The following TXLNB variants were observed in gnomAD, a reference collection of about 807,000 sequenced individuals.
The protein encoded by TXLNB is beta-taxilin.
In TXLNB, 37 loss-of-function variants were observed where a neutral mutation model predicts 57.4. That is an observed-to-expected ratio of 0.64 (90% CI 0.50 to 0.85). The LOEUF is 0.85. Ranked by LOEUF, TXLNB falls within the 40% of genes least tolerant of loss-of-function variation. TXLNB has a pLI of 0.00. For missense variants in TXLNB, 848 were observed against 825.6 expected (o/e 1.03, Z -0.33); for synonymous variants, 302 against 309.6 (o/e 0.98, Z 0.26).
the TXLNB span, among the ~76,000 whole-genome samples, chr6:139,319,607 A>G: frequency 2.6e-5 from 4 of 151,970 alleles, no homozygotes; most frequent in Non-Finnish European, 5.9e-5. Flanking sequence ...ACAAAAAAAA[A>G]TTCAAAAATT....
chr6:139,322,657 C>T, the TXLNB span, among the ~76,000 whole-genome samples: 1 of 152,186 alleles, frequency 6.6e-6, no homozygotes, highest in Non-Finnish European at 1.5e-5. Flanking sequence ...GTTCTATCCT[C>T]AATACGGTGC....
chr6:139,167,055 A>G, the TXLNB span: 1 of 1,613,996 alleles, frequency 6.2e-7, no homozygotes, highest in Non-Finnish European at 8.5e-7. Context: ...CGGCGGCTGG[A>G]CCTCTCCGAA....
chr6:139,213,706 A>T, the TXLNB span, among the ~76,000 whole-genome samples: 1 of 152,184 alleles, frequency 6.6e-6, no homozygotes, highest in South Asian at 2.1e-4. Context: ...TTTTGAAAAG[A>T]TCAACAAAAT....
At chr6:139,313,076 T>C in the TXLNB span, among the ~76,000 whole-genome samples, 1 of 151,190 alleles carries the variant, frequency 6.6e-6, no homozygotes, top group African/African-American at 2.4e-5. Flanking sequence ...TGTCTTTCTC[T>C]CTTTTTTTTT....
intron 2 of TXLNB, among the ~76,000 whole-genome samples, chr6:139,285,441 G>C (rs1384537430): frequency 6.9e-6 from 1 of 143,894 alleles, no homozygotes; most frequent in African/African-American, 2.6e-5. Flanking sequence ...ACTTTGCAAA[G>C]GGACACATTT....
chr6:139,310,703 GT>G, the TXLNB span, among the ~76,000 whole-genome samples: 5 of 151,846 alleles, frequency 3.3e-5, no homozygotes, highest in Non-Finnish European at 5.9e-5. Context: ...TTTTGGTTTG[GT>G]TTTTTTTGAG....
chr6:139,279,069 T>A (rs1776978654), intron 2 of TXLNB, among the ~76,000 whole-genome samples: 1 of 152,214 alleles, frequency 6.6e-6, no homozygotes, highest in East Asian at 1.9e-4. Flanking sequence ...AAAACAATTT[T>A]TTGTGACCAA....
intron 7 of TXLNB, among the ~76,000 whole-genome samples, chr6:139,253,837 T>C (rs1409699133): frequency 1.3e-5 from 2 of 152,226 alleles, no homozygotes; most frequent in African/African-American, 2.4e-5. Flanking sequence ...AGAGATTGCA[T>C]GTAGCAGATG....
At chr6:139,175,108 A>C in the TXLNB span, among the ~76,000 whole-genome samples, 30 of 152,210 alleles carry the variant, frequency 2.0e-4, no homozygotes, top group Non-Finnish European at 4.1e-4. Context: ...GCATTGTCTC[A>C]TGCTATGAGG....
intron 8 of TXLNB, 76 bp downstream of exon 8, chr6:139,247,741 G>A (rs1449378371): frequency 1.9e-6 from 2 of 1,068,236 alleles, no homozygotes; most frequent in East Asian, 2.5e-5. Flanking sequence ...CTTAGTGAGA[G>A]AAAAAGGAAA....
chr6:139,229,093 C>G, the TXLNB span, among the ~76,000 whole-genome samples: 1 of 152,140 alleles, frequency 6.6e-6, no homozygotes, highest in East Asian at 1.9e-4. Context: ...TATGTCTGCT[C>G]TTTGCTAAAT....
At chr6:139,298,578 CAG>C in the TXLNB span, among the ~76,000 whole-genome samples, 2 of 152,178 alleles carry the variant, frequency 1.3e-5, no homozygotes, top group Non-Finnish European at 2.9e-5. Context: ...CTTGTTCATG[CAG>C]AGTGTCCCCT....
the TXLNB span, among the ~76,000 whole-genome samples, chr6:139,319,631 G>A: frequency 6.6e-6 from 1 of 152,050 alleles, no homozygotes. Context: ...TGGGCATGGT[G>A]GCATGTACCT....
At chr6:139,246,600 A>T (rs1776071302) in intron 8 of TXLNB, among the ~76,000 whole-genome samples, 2 of 152,148 alleles carry the variant, frequency 1.3e-5, no homozygotes, top group Admixed American at 1.3e-4. Context: ...TAGGCAGGGA[A>T]AGTAGTATCT....
intron 2 of TXLNB, among the ~76,000 whole-genome samples, chr6:139,285,122 A>G (rs1236204826): frequency 6.9e-6 from 1 of 144,986 alleles, no homozygotes; most frequent in Admixed American, 6.8e-5. Flanking sequence ...AGGGAGTTGG[A>G]ATTTTTAAAA....
the TXLNB span, among the ~76,000 whole-genome samples, chr6:139,163,839 T>C: frequency 1.4e-3 from 210 of 152,286 alleles, 6 homozygotes; most frequent in South Asian, 0.041. Context: ...TCATTAGTCC[T>C]AGGGATTTGA....
chr6:139,296,531 T>G (rs1777392678), upstream of TXLNB, among the ~76,000 whole-genome samples: 1 of 152,132 alleles, frequency 6.6e-6, no homozygotes, highest in Admixed American at 6.6e-5. Context: ...TTTATTATTT[T>G]GGATGCTTAC....
rs201595933 is a variant in TXLNB at position 139,266,206 on chromosome 6, T to C, written c.688-3433A>G. The stretch of plus-strand genomic sequence containing the variant: ...ATCCAATAGACAATGGCTTGACATA[T>C]GAAGAACCAAGAAAATATGGCCTAT... On this transcript the variant is annotated intron_variant, in intron 4 of 9. Transcript: ENST00000358430. 2.2e-4 allele frequency among the ~76,000 whole-genome samples: 34 copies of C among 152,310 alleles called. No individual in the cohort carries two copies. In the East Asian group the frequency reaches 3.7e-3, roughly 16 times the overall value.
At chr6:139,236,625 C>T (rs896193428), downstream of TXLNB, among the ~76,000 whole-genome samples, 1 of 152,132 alleles carries the variant, frequency 6.6e-6, no homozygotes, top group Non-Finnish European at 1.5e-5. Context: ...AACAGTGAGT[C>T]GAGCCTCTTT....
Sources: allele counts gnomAD v4.1 joint callset (sites outside exome capture counted in the v4.1 genomes callset), GRCh38; gene constraint gnomAD v4.1.1; transcripts MANE v1.5; gene names NCBI Gene and HGNC (gene_info 2026-07-23, HGNC 2026-07-21).